Variants in TEX15 observed in about 807,000 individuals in gnomAD.
The protein encoded by TEX15 is testis-expressed protein 15.
A neutral mutation model predicts 237.3 loss-of-function variants in TEX15; 171 were observed. The ratio of observed to expected loss-of-function variants is 0.72; its 90% CI spans 0.64 to 0.82. TEX15 has a LOEUF of 0.82. Among genes scored for constraint, TEX15 ranks in the 40% least tolerant of loss-of-function variants. The pLI is 0.00. For synonymous variants in TEX15, 1,338 were observed against 1,269.8 expected (o/e 1.05, Z -1.14); for missense variants, 3,750 against 3,646.5 (o/e 1.03, Z -0.73).
At chr8:30,835,233 T>C (rs1807264870) in intron 10 of TEX15, among the ~76,000 whole-genome samples, 1 of 152,036 alleles carries the variant, frequency 6.6e-6, no homozygotes. Context: ...CCTTCCTGAG[T>C]AGCTGGGATT....
At chr8:30,853,082 T>C (rs745667660) in intron 7 of TEX15, among the ~76,000 whole-genome samples, 4 of 152,182 alleles carry the variant, frequency 2.6e-5, no homozygotes, top group Non-Finnish European at 4.4e-5. Context: ...AGGTTTTCTC[T>C]AAAGTTAATC....
At chr8:30,910,881 A>G (rs996577769) in intron 1 of TEX15, among the ~76,000 whole-genome samples, 2 of 152,094 alleles carry the variant, frequency 1.3e-5, no homozygotes, top group Non-Finnish European at 2.9e-5. Context: ...AGAAAGATCT[A>G]TGTTTTGTTT....
At chr8:30,838,773 CATATATATATATAT>C (rs34610592) in intron 9 of TEX15, among the ~76,000 whole-genome samples, 1,691 of 65,444 alleles carry the variant, frequency 0.026, 44 homozygotes, top group South Asian at 0.07. Context: ...TATATAAAAA[CATATATATATATAT>C]ATATATATAT....
intron 1 of TEX15, among the ~76,000 whole-genome samples, chr8:30,906,889 A>C (rs1261667129): frequency 3.3e-5 from 5 of 152,178 alleles, no homozygotes; most frequent in African/African-American, 1.2e-4. Flanking sequence ...AAAGACACAA[A>C]AAATTGCATT....
chr8:30,847,349 CT>C lies in TEX15; in HGVS notation c.2817del (p.Glu940ArgfsTer10). The C allele has an allele frequency of 6.2e-7, 1 of 1,613,806 alleles. No homozygotes were observed. The highest frequency in any genetic ancestry group is 8.5e-7 in the Non-Finnish European group (1 of 1,179,908). On this transcript the variant is annotated frameshift_variant, in exon 8 of 11. Coordinates refer to ENST00000643185, the MANE Select transcript of TEX15 (RefSeq NM_001350162.2). LOFTEE classifies it high-confidence loss of function. ...DNAVSAATAL[L>X]ESEEDTISAV... ...GCACTAATGGTATCTTCTTCACTCT[CT>C]AATAATGCAGTTGCTGCTGACACTG...
chr8:30,897,521 T>TCCCATCTG (rs1808929599), intron 2 of TEX15, among the ~76,000 whole-genome samples: 1 of 152,198 alleles, frequency 6.6e-6, no homozygotes. Flanking sequence ...TGGGTCCAAT[T>TCCCATCTG]CCCATCTGCT....
chr8:30,846,773 C>G lies in TEX15; in HGVS notation c.3394G>C (p.Glu1132Gln). 4 of 1,613,776 alleles carry G rather than the reference C, an allele frequency of 2.5e-6. No individual in the cohort carries two copies. Among genetic ancestry groups the G allele is most frequent in the Non-Finnish European group, 8.5e-7 (1 of 1,179,752 alleles). ...GTAGAGGAATAAAAATAGTTACTTT[C>G]CTTAGAATAATGCTGATCACTATTC... is the stretch of plus-strand genomic sequence containing the variant. ...RENSDQHYSK[E>Q]SNYFYSSTQN... Residue 1132 changes from glutamate (E) to glutamine (Q), a missense_variant, in exon 8 of 11, where the codon GAA becomes CAA. Coordinates refer to ENST00000643185, the MANE Select transcript of TEX15 (RefSeq NM_001350162.2).
At position 30,835,302 on chromosome 8, in the gene TEX15, C is replaced by T. The variant is rs538928990; in HGVS notation, c.9481+1501G>A. On this transcript the variant is annotated intron_variant, in intron 10 of 10. Coordinates refer to ENST00000643185, the MANE Select transcript of TEX15 (RefSeq NM_001350162.2). ...GTATTTTTAGTAGATACCAGGGTTT[C>T]GCCATGTTTTGCCTCAAGTGAGCTG... Among the ~76,000 whole-genome samples the T allele has an allele frequency of 6.6e-5, 10 of 152,092 alleles. No homozygotes were observed. In the South Asian group the frequency reaches 2.1e-3, roughly 32 times the overall value.
rs370024593 is a variant in TEX15, at chr8:30,847,458, C to T, written c.2709G>A (p.Glu903=). The T allele has an allele frequency of 3.1e-6, 5 of 1,610,554 alleles. No individual in the cohort carries two copies. Among genetic ancestry groups the T allele is most frequent in the South Asian group, 2.2e-5 (2 of 90,238 alleles). Residue 903 remains glutamate (E), a synonymous_variant, in exon 8 of 11, where the codon GAG becomes GAA. Transcript: ENST00000643185. ...TTTCTATATTGTGGTAATTTTTGTC[C>T]TCCTTTTCATCTATATTGCTGAAAT... The part of the protein sequence containing the change: ...NENFSNIDEK[E]DKNYHNIEIL...
In TEX15 at chr8:30,847,214, T is replaced by C. The variant is rs778813642; in HGVS notation, c.2953A>G (p.Ile985Val). Residue 985 changes from isoleucine to valine, a missense_variant, in exon 8 of 11, where the codon ATA becomes GTA. Coordinates refer to ENST00000643185, the MANE Select transcript of TEX15 (RefSeq NM_001350162.2). ...GGCATAGTAGCACTAGCTATCTGTA[T>C]TGCAGCATTTGAGGCTACACACACT... is the stretch of plus-strand genomic sequence containing the variant. ...SSVCVASNAA[I>V]QIASATMPAL... The C allele has an allele frequency of 9.3e-6, 15 of 1,613,882 alleles. No individual in the cohort carries two copies. Among genetic ancestry groups the C allele is most frequent in the Non-Finnish European group, 1.3e-5 (15 of 1,179,886 alleles).
chr8:30,899,143 A>G (rs1032802992), intron 1 of TEX15, among the ~76,000 whole-genome samples: 1 of 152,192 alleles, frequency 6.6e-6, no homozygotes, highest in Admixed American at 6.5e-5. Context: ...CTACTTGGGA[A>G]AACCACCTGT....
At chr8:30,881,630 T>A (rs376688225) in intron 3 of TEX15, among the ~76,000 whole-genome samples, 3,481 of 92,138 alleles carry the variant, frequency 0.038, 353 homozygotes, top group Non-Finnish European at 0.042. Flanking sequence ...TTTTTTATTA[T>A]TTTTTTTTTT....
intron 7 of TEX15, among the ~76,000 whole-genome samples, chr8:30,852,100 CTTTTTTTTTTTTTT>C (rs910989172): frequency 6.6e-5 from 6 of 90,424 alleles, no homozygotes; most frequent in African/African-American, 3.3e-4. Flanking sequence ...TTAATTTAAT[CTTTTTTTTTTTTTT>C]TTTTTTTTTT....
At chr8:30,871,213 T>C (rs530806338) in intron 4 of TEX15, among the ~76,000 whole-genome samples, 9 of 152,172 alleles carry the variant, frequency 5.9e-5, no homozygotes, top group African/African-American at 2.2e-4. Flanking sequence ...TGCAAAGTCC[T>C]TTCTGCTATG....
rs910989172 is a variant in TEX15 at position 30,852,100 on chromosome 8, C to CTTTTTTTTTTTT, written c.851-2796_851-2785dup. On this transcript the variant is annotated intron_variant, in intron 7 of 10. Transcript: ENST00000643185. ...AGTGCCTTATGTACATTAATTTAAT[C>CTTTTTTTTTTTT]TTTTTTTTTTTTTTTTTTTTTTTTT... 4.4e-5 allele frequency among the ~76,000 whole-genome samples: 4 copies of CTTTTTTTTTTTT among 90,424 alleles called. 1 individual carries two copies. The highest frequency in any genetic ancestry group is 2.2e-4 in the African/African-American group (4 of 18,172). The allele number at this position is 90,424 out of a possible 152,430, so 59.3% of individuals were successfully genotyped here.
chr8:30,889,931 A>G (rs1808749641), intron 2 of TEX15, among the ~76,000 whole-genome samples: 1 of 114,914 alleles, frequency 8.7e-6, no homozygotes, highest in Non-Finnish European at 1.6e-5. Flanking sequence ...TATTAGTTAT[A>G]TACATATATA....
intron 8 of TEX15, among the ~76,000 whole-genome samples, chr8:30,840,579 C>G (rs1450445221): frequency 6.6e-6 from 1 of 152,124 alleles, no homozygotes; most frequent in Non-Finnish European, 1.5e-5. Flanking sequence ...TAAGCCCCAT[C>G]GATTCTTTAA....
At position 30,846,865 on chromosome 8, in the gene TEX15, C is replaced by G; in HGVS notation, c.3302G>C (p.Ser1101Thr). The G allele has an allele frequency of 1.2e-6, 2 of 1,613,878 alleles. No homozygotes were observed. The highest frequency in any genetic ancestry group is 1.7e-6 in the Non-Finnish European group (2 of 1,179,818). Residue 1101 changes from serine to threonine, a missense_variant, in exon 8 of 11, where the codon AGT (serine) becomes ACT (threonine). Coordinates refer to ENST00000643185, the MANE Select transcript of TEX15 (RefSeq NM_001350162.2). ...TSYKALKSRISWEGLLALDNG... is the reference protein window; with the variant it reads ...TSYKALKSRITWEGLLALDNG... Reference sequence around the variant, plus strand: ...ATCAAGTGCTAACAGACCTTCCCAACTGATACGAGACTTCAGAGCCTTATA... The same window carrying G: ...ATCAAGTGCTAACAGACCTTCCCAAGTGATACGAGACTTCAGAGCCTTATA...
At chr8:30,905,725 C>T (rs1398468539) in intron 1 of TEX15, among the ~76,000 whole-genome samples, 3 of 6,812 alleles carry the variant, frequency 4.4e-4, no homozygotes, top group Non-Finnish European at 7.8e-4. Flanking sequence ...CCTGTCTTTA[C>T]AAAAAATACA....
Sources: allele counts gnomAD v4.1 joint callset (sites outside exome capture counted in the v4.1 genomes callset), GRCh38; gene constraint gnomAD v4.1.1; transcripts MANE v1.5; gene names NCBI Gene and HGNC (gene_info 2026-07-23, HGNC 2026-07-21).